Variants in GRAMD4 observed in about 807,000 individuals in gnomAD.
GRAMD4 encodes the protein GRAM domain-containing protein 4.
In GRAMD4, 25 loss-of-function variants were observed where a neutral mutation model predicts 83.9. That is an observed-to-expected ratio of 0.30 (90% CI 0.22 to 0.42). The LOEUF is 0.42. GRAMD4 is among the 10% of genes least tolerant of loss of function. GRAMD4 has a pLI of 1.00. For missense variants in GRAMD4, 593 were observed against 788.7 expected, an observed-to-expected ratio of 0.75 and a Z score of 2.97; for synonymous variants, 336 against 320.9, an observed-to-expected ratio of 1.05 and a Z score of -0.50.
chr22:46,624,419 C>A (rs951150448), intron 1 of GRAMD4, among the ~76,000 whole-genome samples: 1 of 150,348 alleles, frequency 6.7e-6, no homozygotes, highest in African/African-American at 2.5e-5. Flanking sequence ...AGCTCCGCCT[C>A]CCGGGTTCAA....
At chr22:46,600,552 G>T (rs1404152350) in intron 1 of GRAMD4, among the ~76,000 whole-genome samples, 1 of 152,164 alleles carries the variant, frequency 6.6e-6, no homozygotes, top group Admixed American at 6.6e-5. Context: ...ACCAAAAGAG[G>T]GACAGGGATG....
At chr22:46,646,846 G>A (rs914754064) in intron 3 of GRAMD4, among the ~76,000 whole-genome samples, 2 of 152,216 alleles carry the variant, frequency 1.3e-5, no homozygotes, top group Admixed American at 6.5e-5. Flanking sequence ...CCACATGGCT[G>A]GGGAGGCCTC....
At chr22:46,637,495 T>C (rs568310585) in intron 2 of GRAMD4, among the ~76,000 whole-genome samples, 3 of 152,160 alleles carry the variant, frequency 2.0e-5, no homozygotes, top group Non-Finnish European at 4.4e-5. Context: ...TGCCTCGGCC[T>C]CCCAAAGTGC....
At chr22:46,662,352 C>T (rs1344738490) in intron 5 of GRAMD4, among the ~76,000 whole-genome samples, 4 of 152,252 alleles carry the variant, frequency 2.6e-5, no homozygotes, top group Non-Finnish European at 5.9e-5. Context: ...TTTGGCGAGG[C>T]AGCACCCGCT....
At chr22:46,673,940 T>G (rs1467103834) in intron 15 of GRAMD4, 126 bp downstream of exon 15, 1 of 1,017,860 alleles carries the variant, frequency 9.8e-7, no homozygotes, top group African/African-American at 1.6e-5. Flanking sequence ...AGGATGGCAT[T>G]CACATCCCAC....
At chr22:46,603,528 T>C (rs1233938407) in intron 1 of GRAMD4, among the ~76,000 whole-genome samples, 1 of 128,092 alleles carries the variant, frequency 7.8e-6, no homozygotes. Flanking sequence ...TTTTTTTTTT[T>C]TTTTTTGAGA....
upstream of GRAMD4, among the ~76,000 whole-genome samples, chr22:46,616,911 G>A (rs189327429): frequency 2.3e-4 from 3 of 13,176 alleles, no homozygotes; most frequent in Non-Finnish European, 3.2e-4. Flanking sequence ...CCCGTGTGTA[G>A]GTTCCCCTGT....
chr22:46,627,906 T>C (rs2081694112), intron 2 of GRAMD4, among the ~76,000 whole-genome samples: 1 of 152,184 alleles, frequency 6.6e-6, no homozygotes, highest in African/African-American at 2.4e-5. Context: ...GTGCCCGGCC[T>C]GCCGGGATCG....
intron 3 of GRAMD4, among the ~76,000 whole-genome samples, chr22:46,652,369 G>A (rs919272009): frequency 2.0e-5 from 3 of 152,174 alleles, no homozygotes; most frequent in Non-Finnish European, 4.4e-5. Context: ...CCCCCTTCCC[G>A]GAGCCTGCAG....
rs569218160 is a variant in GRAMD4, at chr22:46,671,069, C to T, written c.1085-1774C>T. On this transcript the variant is annotated intron_variant, in intron 13 of 18. Coordinates refer to ENST00000406902, the MANE Select transcript of GRAMD4 (RefSeq NM_015124.5). ...TTGCAGTGCTGACAAGGGACCTCAGCTTAGAGGGGCAGAGGCTGCCTGCTC... is the reference window on the plus strand; with the variant it reads ...TTGCAGTGCTGACAAGGGACCTCAGTTTAGAGGGGCAGAGGCTGCCTGCTC... The T allele has an allele frequency of 1.7e-5, 8 of 468,356 alleles. No homozygotes were observed. In the East Asian group the frequency reaches 2.1e-4, roughly 12 times the overall value. 29.0% of individuals were successfully genotyped at this position (468,356 alleles called of 1,614,324 possible). A position where few individuals can be genotyped will look rare whatever the true frequency, so the allele number is the denominator to read the frequency against.
chr22:46,589,933 G>A (rs2081190107), intron 1 of GRAMD4, among the ~76,000 whole-genome samples: 1 of 152,166 alleles, frequency 6.6e-6, no homozygotes, highest in Admixed American at 6.5e-5. Flanking sequence ...TACCCCTTCA[G>A]CCAGCTCCCC....
intron 1 of GRAMD4, among the ~76,000 whole-genome samples, chr22:46,581,380 C>T (rs997353754): frequency 2.6e-5 from 4 of 152,226 alleles, no homozygotes; most frequent in Non-Finnish European, 4.4e-5. Flanking sequence ...ACTGAGGCAC[C>T]GGGAGGCAGT....
At position 46,584,653 on chromosome 22, in the gene GRAMD4, G is replaced by A. The variant is rs2081130697; in HGVS notation, c.-50+7363G>A. Among the ~76,000 whole-genome samples the A allele has an allele frequency of 3.3e-5, 5 of 152,260 alleles. No homozygotes were observed. The South Asian group carries it at 1.0e-3, about 32-fold the overall frequency. On this transcript the variant is annotated intron_variant, in intron 1 of 1. Transcript: ENST00000431155. ...CCCTTGGCTTCGAGCCCGGGCTCCC[G>A]GTATGCTGCCGCAGCATGGCTGGCT...
Position 46,627,819 on chromosome 22 carries a change from G to A in GRAMD4, c.162+858G>A, listed in dbSNP as rs113164370. The stretch of plus-strand genomic sequence containing the variant: ...CAGCAGGAATTAATAATTTACTGCT[G>A]CTGCTGCTCTCTCGACACTGCCCGA... On this transcript the variant is annotated intron_variant, in intron 2 of 18. Transcript: ENST00000406902. Among the ~76,000 whole-genome samples, 1,242 of 152,356 alleles carry A rather than the reference G, an allele frequency of 8.2e-3. 15 individuals are homozygous for A. The highest frequency in any genetic ancestry group is 0.029 in the African/African-American group (1,197 of 41,588).
upstream of GRAMD4, among the ~76,000 whole-genome samples, chr22:46,616,596 C>CTG (rs2081499743): frequency 1.5e-5 from 2 of 133,304 alleles, no homozygotes; most frequent in Non-Finnish European, 3.2e-5. Flanking sequence ...GCAGGTTCCC[C>CTG]TGTGTGTAGG....
downstream of GRAMD4, among the ~76,000 whole-genome samples, chr22:46,681,491 ATC>A (rs1466417713): frequency 6.6e-6 from 1 of 152,212 alleles, no homozygotes; most frequent in Non-Finnish European, 1.5e-5. Flanking sequence ...ACTCAGCGGC[ATC>A]TCTCGGCTGT....
At chr22:46,601,227 G>T (rs770285481) in intron 1 of GRAMD4, among the ~76,000 whole-genome samples, 7 of 152,150 alleles carry the variant, frequency 4.6e-5, no homozygotes, top group Admixed American at 1.3e-4. Context: ...GGTGTGATTT[G>T]TCAGGAGACA....
chr22:46,651,916 A>G (rs1308578024), intron 3 of GRAMD4, among the ~76,000 whole-genome samples: 1 of 152,114 alleles, frequency 6.6e-6, no homozygotes, highest in Non-Finnish European at 1.5e-5. Context: ...TGGACCCACT[A>G]AAGGAGGGCT....
chr22:46,679,123 C>T lies in GRAMD4; in HGVS notation c.*1872C>T, dbSNP rs1043824054. On this transcript the variant is annotated 3_prime_UTR_variant, in exon 19 of 19. Transcript: ENST00000406902. ...CAGGGGCGGCTGCAGAGGCAGTGCC[C>T]GCAGACAATGGCCACACCTCTCTCC... The T allele has an allele frequency of 8.1e-6, 8 of 985,482 alleles. No individual in the cohort carries two copies. Among genetic ancestry groups the T allele is most frequent in the Non-Finnish European group, 8.4e-6 (7 of 829,956 alleles). The allele number at this position is 985,482 out of a possible 1,614,324, so 61.0% of individuals were successfully genotyped here.
Sources: allele counts gnomAD v4.1 joint callset (sites outside exome capture counted in the v4.1 genomes callset), GRCh38; gene constraint gnomAD v4.1.1; transcripts MANE v1.5; gene names NCBI Gene and HGNC (gene_info 2026-07-23, HGNC 2026-07-21).